Variants in CUBN observed in about 807,000 individuals in gnomAD.
The protein encoded by CUBN is cubilin.
Under a neutral mutation model 405.3 loss-of-function variants are expected in CUBN, and 282 were observed. The ratio of observed to expected loss-of-function variants is 0.70; its 90% CI spans 0.63 to 0.77. The LOEUF (loss-of-function observed/expected upper bound fraction) is 0.77, where lower values mean the gene tolerates loss of function less well. Among genes scored for constraint, CUBN ranks in the 30% least tolerant of loss-of-function variants. The probability of loss-of-function intolerance (pLI) is 0.00; values close to 1 mark genes in which losing one functional copy is unlikely to be tolerated. For synonymous variants in CUBN, 1,684 were observed against 1,617.0 expected, an observed-to-expected ratio of 1.04 and a Z score of -0.99; for missense variants, 4,514 against 4,475.2, an observed-to-expected ratio of 1.01 and a Z score of -0.25.
In CUBN at chr10:17,124,025, T is replaced by C. The variant is rs140453066; in HGVS notation, c.388-336A>G. Among the ~76,000 whole-genome samples the C allele has an allele frequency of 1.5e-3, 226 of 152,256 alleles. 1 individual carries two copies. The highest frequency in any genetic ancestry group is 5.2e-3 in the African/African-American group (217 of 41,546). ...AGTGGACAGGAGTAAAGGTTTCAGGTGTGGAAATAATAATGGATGTTGCTA... is the reference window on the plus strand; with the variant it reads ...AGTGGACAGGAGTAAAGGTTTCAGGCGTGGAAATAATAATGGATGTTGCTA... On this transcript the variant is annotated intron_variant, in intron 4 of 66. Coordinates refer to ENST00000377833, the MANE Select transcript of CUBN (RefSeq NM_001081.4).
chr10:16,840,628 C>T (rs140994909), intron 61 of CUBN, 93 bp from the exon 62 acceptor site: 66 of 1,062,452 alleles, frequency 6.2e-5, no homozygotes, highest in African/African-American at 5.3e-4. Context: ...CCTCCCACCC[C>T]GGAGGAGCTA....
At chr10:16,979,478 T>C (rs1407923659) in intron 31 of CUBN, among the ~76,000 whole-genome samples, 13 of 152,158 alleles carry the variant, frequency 8.5e-5, no homozygotes, top group Admixed American at 8.5e-4. Flanking sequence ...AGCATGGTAC[T>C]GGTACCAAAA....
intron 37 of CUBN, 29 bp from the exon 38 acceptor site, chr10:16,939,176 G>C (rs781090061): frequency 6.4e-7 from 1 of 1,554,162 alleles, no homozygotes; most frequent in South Asian, 1.1e-5. Flanking sequence ...TAGTAAATCA[G>C]ACCCACTTAG....
chr10:16,841,895 A>G (rs1331224916), intron 60 of CUBN, among the ~76,000 whole-genome samples: 1 of 119,332 alleles, frequency 8.4e-6, no homozygotes, highest in Non-Finnish European at 1.7e-5. Context: ...CCTGGGTGAC[A>G]GTGCAAGACT....
chr10:16,942,317 C>A (rs11254287), intron 36 of CUBN, among the ~76,000 whole-genome samples: 10,802 of 151,990 alleles, frequency 0.071, 740 homozygotes, highest in East Asian at 0.17. Context: ...TAAATATATA[C>A]CCAAAGAAAA....
At chr10:17,077,507 G>C (rs1835878976) in intron 17 of CUBN, among the ~76,000 whole-genome samples, 1 of 152,172 alleles carries the variant, frequency 6.6e-6, no homozygotes, top group African/African-American at 2.4e-5. Flanking sequence ...TATGAATCCA[G>C]ATTTGGTTTT....
At chr10:17,083,382 G>A (rs995405171) in intron 17 of CUBN, among the ~76,000 whole-genome samples, 3 of 152,122 alleles carry the variant, frequency 2.0e-5, no homozygotes, top group Admixed American at 6.6e-5. Context: ...GCACATGCCT[G>A]TAATCCCAGC....
chr10:16,852,431 C>T (rs182255875), intron 59 of CUBN, among the ~76,000 whole-genome samples: 402 of 144,896 alleles, frequency 2.8e-3, no homozygotes, highest in Middle Eastern at 7.0e-3. Context: ...CTCTATCTTT[C>T]CATCCCTCCC....
intron 22 of CUBN, among the ~76,000 whole-genome samples, chr10:17,058,536 G>A (rs533249673): frequency 3.3e-5 from 5 of 152,154 alleles, no homozygotes; most frequent in Admixed American, 2.0e-4. Flanking sequence ...CCTGCTACAC[G>A]TATTAAACAA....
intron 28 of CUBN, among the ~76,000 whole-genome samples, chr10:17,002,085 T>G (rs75278740): frequency 0.014 from 2,132 of 152,300 alleles, 21 homozygotes; most frequent in Non-Finnish European, 0.024. Context: ...TATGTAATGT[T>G]TGAAACAAAT....
Position 17,104,562 on chromosome 10 carries a change from G to A in CUBN, c.1274C>T (p.Thr425Ile). The change falls in exon 12 of 67, where the codon ACA becomes ATA. Residue 425 changes from threonine to isoleucine, a missense_variant. By Grantham distance (89) the Thr-to-Ile change is moderately conservative (BLOSUM62 -1). Coordinates refer to ENST00000377833, the MANE Select transcript of CUBN (RefSeq NM_001081.4). ...GATGTTTTCTGTACAGTTGACACCT[G>A]TCCAACCTGAGTCACACTTACAAAA... ...GYFCKCDSGW[T>I]GVNCTENINE... 6.2e-7 allele frequency: 1 copy of A among 1,613,646 alleles called. No individual in the cohort carries two copies.
rs1468652712 is a variant in CUBN at position 17,127,752 on chromosome 10, T to C, written c.348+77A>G. ...CTAAAGAGCACACAAAGTTGGTATA[T>C]CCCCTACAAAACGGTTACTTATACA... On this transcript the variant is annotated intron_variant, in intron 3 of 66. Transcript: ENST00000377833. 3.0e-6 allele frequency: 3 copies of C among 986,726 alleles called. No individual in the cohort carries two copies. In the African/African-American group the frequency reaches 4.8e-5, roughly 16 times the overall value. The allele number at this position is 986,726 out of a possible 1,614,324, so 61.1% of individuals were successfully genotyped here.
At chr10:17,079,331 A>G (rs540933140) in intron 17 of CUBN, among the ~76,000 whole-genome samples, 1 of 145,912 alleles carries the variant, frequency 6.9e-6, no homozygotes, top group East Asian at 2.0e-4. Flanking sequence ...CACCTCTTGG[A>G]TTCAAGTGAT....
At chr10:16,884,687 TC>T (rs141605976) in intron 56 of CUBN, among the ~76,000 whole-genome samples, 1,775 of 152,276 alleles carry the variant, frequency 0.012, 46 homozygotes, top group African/African-American at 0.04. Flanking sequence ...TGAGTGTGGT[TC>T]AACAATCTGT....
chr10:16,829,351 AAAAAAAAC>A lies in CUBN; in HGVS notation c.10529-319_10529-312del, dbSNP rs1000496794. On this transcript the variant is annotated intron_variant, in intron 65 of 66. Transcript: ENST00000377833. ...GGTTGAGAGCAGAATGGAAAAAAAAAAAAAAAACAAACTTGATAAAGTAACTGTGGGAG... is the reference window on the plus strand; with the variant it reads ...GGTTGAGAGCAGAATGGAAAAAAAAAAAACTTGATAAAGTAACTGTGGGAG... Among the ~76,000 whole-genome samples, 7 of 150,454 alleles carry A rather than the reference AAAAAAAAC, an allele frequency of 4.7e-5. 1 individual carries two copies. Among genetic ancestry groups the A allele is most frequent in the African/African-American group, 1.7e-4 (7 of 40,456 alleles).
At chr10:16,902,262 T>C (rs1231257764) in intron 51 of CUBN, among the ~76,000 whole-genome samples, 4 of 139,380 alleles carry the variant, frequency 2.9e-5, no homozygotes, top group African/African-American at 1.1e-4. Flanking sequence ...ATATATAGTA[T>C]ATATATATTT....
intron 31 of CUBN, among the ~76,000 whole-genome samples, chr10:16,964,467 G>A (rs2131655555): frequency 6.6e-6 from 1 of 152,234 alleles, no homozygotes; most frequent in African/African-American, 2.4e-5. Context: ...GTACATGAGT[G>A]CGTGTATATA....
intron 28 of CUBN, among the ~76,000 whole-genome samples, chr10:17,018,839 C>T (rs1478179919): frequency 6.6e-6 from 1 of 151,998 alleles, no homozygotes; most frequent in African/African-American, 2.4e-5. Flanking sequence ...TGGGTTTTTA[C>T]AGAGTGCTGA....
chr10:17,051,302 G>A (rs12254578), intron 22 of CUBN, among the ~76,000 whole-genome samples: 7,938 of 152,062 alleles, frequency 0.052, 710 homozygotes, highest in African/African-American at 0.18. Context: ...TGGAGCTTGC[G>A]GTGAGCCGAG....
Sources: allele counts gnomAD v4.1 joint callset (sites outside exome capture counted in the v4.1 genomes callset), GRCh38; gene constraint gnomAD v4.1.1; transcripts MANE v1.5; gene names NCBI Gene and HGNC (gene_info 2026-07-23, HGNC 2026-07-21).